The following CD109 variants were observed in gnomAD, a reference collection of about 807,000 sequenced individuals.
CD109 encodes CD109 antigen.
A neutral mutation model predicts 165.8 loss-of-function variants in CD109; 149 were observed. The ratio of observed to expected loss-of-function variants is 0.90; its 90% CI spans 0.79 to 1.03. The LOEUF (loss-of-function observed/expected upper bound fraction) is 1.03, where lower values mean the gene tolerates loss of function less well. Among genes scored for constraint, CD109 ranks in the 50% least tolerant of loss-of-function variants. The pLI, the probability that CD109 is intolerant of heterozygous loss-of-function variation, is 0.00. For synonymous variants in CD109, 585 were observed against 592.1 expected (o/e 0.99, Z 0.18); for missense variants, 1,712 against 1,677.8 (o/e 1.02, Z -0.36).
At chr6:73,783,667 C>G (rs1774584691) in intron 18 of CD109, 40 bp from the exon 19 acceptor site, 1 of 1,176,010 alleles carries the variant, frequency 8.5e-7, no homozygotes, top group Non-Finnish European at 1.3e-6. Flanking sequence ...TGTATCAGTT[C>G]TTGGTTTTGT....
intron 30 of CD109, 149 bp downstream of exon 30, chr6:73,815,272 A>G: frequency 1.8e-6 from 1 of 543,826 alleles, no homozygotes; most frequent in Non-Finnish European, 2.9e-6. Context: ...AACTAGAAAT[A>G]CTACTAATTA....
chr6:73,723,227 T>C (rs1772025017), intron 2 of CD109, 24 bp from the exon 3 acceptor site: 44 of 1,612,516 alleles, frequency 2.7e-5, no homozygotes, highest in Non-Finnish European at 3.7e-5. Context: ...GCTAACTCTG[T>C]TTTCTTTCCT....
intron 22 of CD109, among the ~76,000 whole-genome samples, chr6:73,791,156 T>TATATATATACACATACAC (rs1774928575): frequency 3.5e-5 from 1 of 28,716 alleles, no homozygotes; most frequent in African/African-American, 1.4e-4. Context: ...TATATATATA[T>TATATATATACACATACAC]ATATATATAT....
intron 3 of CD109, among the ~76,000 whole-genome samples, chr6:73,725,083 T>A (rs1170072809): frequency 1.2e-4 from 19 of 152,084 alleles, no homozygotes; most frequent in Non-Finnish European, 2.2e-4. Context: ...ATACTGCTGC[T>A]AATAATAGAA....
chr6:73,782,579 C>G (rs781470439), intron 17 of CD109, 35 bp from the exon 18 acceptor site: 3 of 1,595,738 alleles, frequency 1.9e-6, no homozygotes. Context: ...TCTCCAGTGA[C>G]TGTTTTTCTA....
intron 10 of CD109, among the ~76,000 whole-genome samples, chr6:73,763,999 T>C (rs577982711): frequency 6.6e-6 from 1 of 152,342 alleles, no homozygotes; most frequent in East Asian, 1.9e-4. Flanking sequence ...AGTCAAAAAT[T>C]TCAATTTCAA....
intron 5 of CD109, among the ~76,000 whole-genome samples, chr6:73,739,643 C>T (rs1317542588): frequency 6.6e-6 from 1 of 151,882 alleles, no homozygotes; most frequent in Non-Finnish European, 1.5e-5. Flanking sequence ...GGTCAGGAGA[C>T]CGAGACCATC....
the CD109 span, among the ~76,000 whole-genome samples, chr6:73,689,568 C>T: frequency 6.6e-6 from 1 of 151,960 alleles, no homozygotes; most frequent in Non-Finnish European, 1.5e-5. Flanking sequence ...CCTTACACTA[C>T]TTTATAGTCT....
chr6:73,708,093 C>T (rs1427796585), intron 2 of CD109, among the ~76,000 whole-genome samples: 1 of 150,896 alleles, frequency 6.6e-6, no homozygotes, highest in Non-Finnish European at 1.5e-5. Flanking sequence ...TGGTGTGCTG[C>T]ACCCATTAAC....
rs182170573 is a variant in CD109 at position 73,741,660 on chromosome 6, G to T, written c.633+5152G>T. ...CAGTTTTCTCAAATAATTGCACATG[G>T]TTTTTTTGTTTTGTTTTGTTTTGTT... On this transcript the variant is annotated intron_variant, in intron 5 of 32. Transcript: ENST00000287097. 7.6e-4 allele frequency among the ~76,000 whole-genome samples: 115 copies of T among 151,984 alleles called. No homozygotes were observed. The East Asian group carries it at 0.02, about 27-fold the overall frequency.
chr6:73,818,479 G>A lies in CD109; in HGVS notation c.4003G>A (p.Glu1335Lys). 2.5e-6 allele frequency: 4 copies of A among 1,613,462 alleles called. No homozygotes were observed. The highest frequency in any genetic ancestry group is 1.1e-5 in the South Asian group (1 of 90,892). ...MVPSEAISLS[E>K]TVKKVEYDHG... is the part of the protein sequence containing the mutation. ...GCCTTCAGAAGCAATTTCTCTGAGCGAGACAGTGAAGAAAGTGGAATATGA... is the reference window on the plus strand; with the variant it reads ...GCCTTCAGAAGCAATTTCTCTGAGCAAGACAGTGAAGAAAGTGGAATATGA... Residue 1335 changes from glutamate (E) to lysine (K), a missense_variant, in exon 31 of 33, where the codon GAG (glutamate) becomes AAG (lysine). By Grantham distance (56) the Glu-to-Lys change is moderately conservative (BLOSUM62 1). Transcript: ENST00000287097.
chr6:73,742,494 A>G (rs1321178037), intron 5 of CD109, among the ~76,000 whole-genome samples: 4 of 152,258 alleles, frequency 2.6e-5, no homozygotes, highest in Non-Finnish European at 5.9e-5. Context: ...TTGGTGTCTG[A>G]GAACCAGGCT....
intron 21 of CD109, among the ~76,000 whole-genome samples, chr6:73,787,730 T>A (rs1264023013): frequency 6.6e-6 from 1 of 152,204 alleles, no homozygotes; most frequent in Non-Finnish European, 1.5e-5. Context: ...TGGGATCCTA[T>A]TAAAACACGG....
chr6:73,757,543 G>A (rs999815006), intron 6 of CD109, among the ~76,000 whole-genome samples: 6 of 151,960 alleles, frequency 3.9e-5, no homozygotes, highest in Admixed American at 6.6e-5. Flanking sequence ...GTTCATGCTG[G>A]TCATAGTTTG....
intron 15 of CD109, among the ~76,000 whole-genome samples, chr6:73,779,058 T>C (rs1212584812): frequency 1.3e-5 from 2 of 152,186 alleles, no homozygotes; most frequent in Non-Finnish European, 2.9e-5. Context: ...GACTCTGTAA[T>C]CATTAAGCAA....
At chr6:73,823,208 A>G (rs983414832) in intron 32 of CD109, among the ~76,000 whole-genome samples, 7 of 152,170 alleles carry the variant, frequency 4.6e-5, no homozygotes, top group Non-Finnish European at 5.9e-5. Context: ...GCTGCAGTCT[A>G]TTTGCTCTCT....
In CD109 at chr6:73,814,981, C is replaced by T. The variant is rs752871227; in HGVS notation, c.3769C>T (p.Leu1257Phe). The change falls in exon 30 of 33, where the codon CTC (leucine) becomes TTC (phenylalanine). Residue 1257 changes from leucine (L) to phenylalanine (F), a missense_variant and splice_region_variant. Transcript: ENST00000287097. The stretch of plus-strand genomic sequence containing the variant: ...ATTTATGCTAGTTTATTTTTTACAG[C>T]TCAATGTTGTATATAATGTGAAGGC... Reference protein sequence around the residue: ...ANGFGFAICQLNVVYNVKASG... With the variant: ...ANGFGFAICQFNVVYNVKASG... 6.6e-7 allele frequency: 1 copy of T among 1,516,056 alleles called. No homozygotes were observed. Among genetic ancestry groups the T allele is most frequent in the East Asian group, 2.5e-5 (1 of 39,756 alleles). The allele number at this position is 1,516,056 out of a possible 1,614,324, so 93.9% of individuals were successfully genotyped here.
At chr6:73,785,572 A>T (rs1774656393) in intron 20 of CD109, 95 bp downstream of exon 20, 1 of 629,688 alleles carries the variant, frequency 1.6e-6, no homozygotes, top group African/African-American at 1.9e-5. Context: ...GGCATTTGGG[A>T]TTCTAAGCAC....
At chr6:73,761,549 G>A (rs1773631180) in intron 7 of CD109, among the ~76,000 whole-genome samples, 1 of 152,150 alleles carries the variant, frequency 6.6e-6, no homozygotes, top group Non-Finnish European at 1.5e-5. Flanking sequence ...TTGAGTTGGA[G>A]TCTCACTCTG....
Sources: allele counts gnomAD v4.1 joint callset (sites outside exome capture counted in the v4.1 genomes callset), GRCh38; gene constraint gnomAD v4.1.1; transcripts MANE v1.5; gene names NCBI Gene and HGNC (gene_info 2026-07-23, HGNC 2026-07-21).